The following KYNU variants were observed in gnomAD, a reference collection of about 807,000 sequenced individuals.
KYNU encodes the protein L-kynurenine hydrolase.
A neutral mutation model predicts 59.2 loss-of-function variants in KYNU; 54 were observed. The observed-to-expected ratio is 0.91, with a 90% CI of 0.73 to 1.14. KYNU has a LOEUF of 1.14. Ranked by LOEUF, KYNU falls within the 50% of genes most tolerant of loss-of-function variation. The probability of loss-of-function intolerance (pLI) is 0.00; values close to 1 mark genes in which losing one functional copy is unlikely to be tolerated. For missense variants in KYNU, 567 were observed against 554.4 expected, an observed-to-expected ratio of 1.02 and a Z score of -0.23; for synonymous variants, 177 against 192.0, an observed-to-expected ratio of 0.92 and a Z score of 0.65.
At chr2:142,904,034 T>A (rs1208815994) in intron 2 of KYNU, among the ~76,000 whole-genome samples, 1 of 152,174 alleles carries the variant, frequency 6.6e-6, no homozygotes, top group African/African-American at 2.4e-5. Flanking sequence ...GGTTGCCAAG[T>A]TCAATAGGGT....
At chr2:142,979,953 A>G (rs1411488899) in intron 8 of KYNU, among the ~76,000 whole-genome samples, 2 of 151,942 alleles carry the variant, frequency 1.3e-5, no homozygotes, top group African/African-American at 2.4e-5. Context: ...AAGAATGTCT[A>G]CTCCATAGGC....
intron 2 of KYNU, among the ~76,000 whole-genome samples, chr2:142,886,008 G>C (rs1413442037): frequency 6.6e-6 from 1 of 152,158 alleles, no homozygotes; most frequent in Non-Finnish European, 1.5e-5. Flanking sequence ...ATGCTGTAAA[G>C]ATGGCGAGTG....
chr2:142,900,499 T>C (rs1042821712), intron 2 of KYNU, among the ~76,000 whole-genome samples: 1 of 152,190 alleles, frequency 6.6e-6, no homozygotes, highest in Non-Finnish European at 1.5e-5. Flanking sequence ...AGGCAATAGA[T>C]GATTGGCTAT....
At chr2:142,936,691 G>A (rs577112318) in intron 4 of KYNU, among the ~76,000 whole-genome samples, 3 of 152,312 alleles carry the variant, frequency 2.0e-5, no homozygotes, top group South Asian at 4.1e-4. Context: ...AACCAAGAGA[G>A]GCCATGTAGA....
chr2:142,891,356 GA>G (rs779080199), intron 2 of KYNU, among the ~76,000 whole-genome samples: 52 of 151,842 alleles, frequency 3.4e-4, no homozygotes, highest in Non-Finnish European at 4.6e-4. Context: ...TTAACTCAAA[GA>G]ATTTTTTTAC....
intron 10 of KYNU, 78 bp downstream of exon 10, chr2:142,986,099 T>A (rs1409857209): frequency 2.1e-6 from 2 of 958,614 alleles, no homozygotes; most frequent in Non-Finnish European, 3.4e-6. Flanking sequence ...TTACATGAGT[T>A]CCTTAAGATG....
chr2:143,013,970 A>G (rs1396492974), intron 10 of KYNU, among the ~76,000 whole-genome samples: 2 of 152,192 alleles, frequency 1.3e-5, no homozygotes, highest in Admixed American at 6.5e-5. Flanking sequence ...TCCATTGGAG[A>G]CTTGGGGTCT....
chr2:143,026,316 G>A (rs1277282690), intron 10 of KYNU, among the ~76,000 whole-genome samples: 1 of 152,158 alleles, frequency 6.6e-6, no homozygotes, highest in Non-Finnish European at 1.5e-5. Flanking sequence ...TCCATTATAA[G>A]ATATTCAGAT....
intron 11 of KYNU, among the ~76,000 whole-genome samples, chr2:143,032,307 CA>C (rs780866885): frequency 1.3e-5 from 2 of 149,368 alleles, no homozygotes; most frequent in African/African-American, 2.5e-5. Flanking sequence ...AAAAACAAAA[CA>C]AAAAAAACTG....
intron 2 of KYNU, among the ~76,000 whole-genome samples, chr2:142,894,842 A>C (rs1681817423): frequency 6.6e-6 from 1 of 152,074 alleles, no homozygotes; most frequent in Admixed American, 6.6e-5. Context: ...TATATGGCTC[A>C]CCCCTGTAAC....
chr2:143,033,409 A>G, intron 12 of KYNU, 88 bp downstream of exon 12: 1 of 945,704 alleles, frequency 1.1e-6, no homozygotes, highest in East Asian at 2.4e-5. Context: ...TCTGCTACAC[A>G]GCAAGATGAT....
At chr2:143,017,067 A>T (rs1175061137) in intron 10 of KYNU, among the ~76,000 whole-genome samples, 2 of 152,190 alleles carry the variant, frequency 1.3e-5, no homozygotes, top group African/African-American at 4.8e-5. Flanking sequence ...CATGTTGCTG[A>T]AAAGGACACG....
At chr2:142,997,197 T>C (rs909296168) in intron 10 of KYNU, among the ~76,000 whole-genome samples, 23 of 152,186 alleles carry the variant, frequency 1.5e-4, no homozygotes, top group African/African-American at 5.5e-4. Context: ...ATTAAGACTA[T>C]ATCAAAGTTA....
intron 10 of KYNU, among the ~76,000 whole-genome samples, chr2:142,988,514 G>A (rs1000210940): frequency 3.3e-5 from 5 of 151,760 alleles, no homozygotes; most frequent in South Asian, 4.1e-4. Flanking sequence ...TACTGATTCC[G>A]CCACTATTTA....
intron 2 of KYNU, among the ~76,000 whole-genome samples, chr2:142,906,930 A>G (rs994992597): frequency 1.1e-4 from 17 of 152,176 alleles, no homozygotes; most frequent in Admixed American, 3.3e-4. Context: ...CTCCCAACCC[A>G]GAAGTTGTTA....
At chr2:142,961,352 C>G (rs923774755) in intron 8 of KYNU, among the ~76,000 whole-genome samples, 4 of 133,874 alleles carry the variant, frequency 3.0e-5, no homozygotes, top group African/African-American at 8.7e-5. Context: ...GCATTTGCCT[C>G]TAGTCAGCAG....
chr2:143,027,744 T>C (rs1686618603), intron 10 of KYNU, among the ~76,000 whole-genome samples: 1 of 152,190 alleles, frequency 6.6e-6, no homozygotes, highest in Non-Finnish European at 1.5e-5. Flanking sequence ...AATTTCTGTT[T>C]TGAAAATCAT....
chr2:142,952,126 T>C (rs1414256726), intron 4 of KYNU, among the ~76,000 whole-genome samples: 14 of 152,130 alleles, frequency 9.2e-5, no homozygotes, highest in Admixed American at 9.2e-4. Flanking sequence ...TCTGTCACCC[T>C]GGCTGGAGTG....
At chr2:142,994,300 G>A (rs1267935463) in intron 10 of KYNU, among the ~76,000 whole-genome samples, 1 of 151,964 alleles carries the variant, frequency 6.6e-6, no homozygotes. Context: ...ACTGAGGCAG[G>A]CTAACTTCAC....
Sources: gnomAD v4.1 joint callset for allele counts (sites outside exome capture counted in the v4.1 genomes callset) on GRCh38, gnomAD v4.1.1 for gene constraint, MANE v1.5 for transcripts, NCBI Gene and HGNC (gene_info 2026-07-23, HGNC 2026-07-21) for gene names.